The following PTPN2 variants were observed in gnomAD, a reference collection of about 807,000 sequenced individuals.
The protein encoded by PTPN2 is protein tyrosine phosphatase non-receptor type 2, also known as tyrosine-protein phosphatase non-receptor type 2.
Under a neutral mutation model 57.3 loss-of-function variants are expected in PTPN2, and 19 were observed. That is an observed-to-expected ratio of 0.33 (90% CI 0.23 to 0.49). The LOEUF (loss-of-function observed/expected upper bound fraction) is 0.49, where lower values mean the gene tolerates loss of function less well. Among genes scored for constraint, PTPN2 ranks in the 20% least tolerant of loss-of-function variants. The probability of loss-of-function intolerance (pLI) is 0.99; values close to 1 mark genes in which losing one functional copy is unlikely to be tolerated. For synonymous variants in PTPN2, 153 were observed against 164.9 expected, an observed-to-expected ratio of 0.93 and a Z score of 0.55; for missense variants, 358 against 501.1, an observed-to-expected ratio of 0.71 and a Z score of 2.73.
chr18:12,879,633 C>T (rs565874477), intron 1 of PTPN2, among the ~76,000 whole-genome samples: 36 of 152,126 alleles, frequency 2.4e-4, no homozygotes, highest in Non-Finnish European at 4.0e-4. Context: ...TTCTAAGAAA[C>T]CTCCTATTAT....
chr18:12,883,215 A>G (rs138210016), intron 1 of PTPN2, among the ~76,000 whole-genome samples: 1 of 152,360 alleles, frequency 6.6e-6, no homozygotes, highest in African/African-American at 2.4e-5. Flanking sequence ...CCCGTCTGGG[A>G]GCACACATGA....
In PTPN2 at chr18:12,858,914, C is replaced by T. The variant is rs530652051; in HGVS notation, c.160+250G>A. ...TTATTTTAAAGAAAGGAAAACTGTG[C>T]ATAAGAAAAACAGGTTGTGGGAAAT... On this transcript the variant is annotated intron_variant, in intron 2 of 8. Transcript: ENST00000309660. Among the ~76,000 whole-genome samples the T allele has an allele frequency of 1.4e-4, 21 of 152,218 alleles. No homozygotes were observed. In the South Asian group the frequency reaches 4.3e-3, roughly 32 times the overall value.
intron 5 of PTPN2, chr18:12,818,911 T>C (rs1197701593): frequency 8.0e-5 from 13 of 161,728 alleles, no homozygotes; most frequent in African/African-American, 3.1e-4. Context: ...CTGACCAACA[T>C]AGAGAAACCC....
intron 2 of PTPN2, among the ~76,000 whole-genome samples, chr18:12,852,820 A>G (rs1361991672): frequency 6.6e-6 from 1 of 152,260 alleles, no homozygotes; most frequent in Non-Finnish European, 1.5e-5. Context: ...TTTAAAAATA[A>G]ACATTTCCAG....
chr18:12,800,669 T>C (rs1229369172), intron 8 of PTPN2, among the ~76,000 whole-genome samples: 1 of 152,206 alleles, frequency 6.6e-6, no homozygotes, highest in African/African-American at 2.4e-5. Context: ...AGTAAAGCTA[T>C]AATGTATGGC....
intron 2 of PTPN2, among the ~76,000 whole-genome samples, chr18:12,843,241 G>C (rs2043105095): frequency 6.6e-6 from 1 of 151,964 alleles, no homozygotes; most frequent in Non-Finnish European, 1.5e-5. Context: ...GGGCACTCAG[G>C]GGTCTGTTTT....
At chr18:12,834,774 G>T (rs1255431505) in intron 3 of PTPN2, among the ~76,000 whole-genome samples, 1 of 151,978 alleles carries the variant, frequency 6.6e-6, no homozygotes, top group Non-Finnish European at 1.5e-5. Flanking sequence ...TAAGAACTAA[G>T]AAGAGAACAA....
intron 2 of PTPN2, among the ~76,000 whole-genome samples, chr18:12,847,047 C>T (rs2043234599): frequency 4.8e-5 from 1 of 20,858 alleles, no homozygotes; most frequent in African/African-American, 8.4e-5. Flanking sequence ...TTTTGTCAGT[C>T]CAAAAAAAAA....
intron 1 of PTPN2, among the ~76,000 whole-genome samples, chr18:12,864,562 ATTT>A (rs1317623806): frequency 6.6e-6 from 1 of 150,598 alleles, no homozygotes. Flanking sequence ...CGCCCGGCTA[ATTT>A]TTTTTTGTAT....
intron 1 of PTPN2, among the ~76,000 whole-genome samples, chr18:12,880,978 C>A (rs1311981920): frequency 6.6e-6 from 1 of 152,212 alleles, no homozygotes; most frequent in Non-Finnish European, 1.5e-5. Flanking sequence ...TACCCCTTTA[C>A]CATTTCATTT....
At chr18:12,787,801 A>G (rs2040878910), downstream of PTPN2, 1 of 152,492 alleles carries the variant, frequency 6.6e-6, no homozygotes, top group South Asian at 2.1e-4. Context: ...AACGGGTTCA[A>G]ATAAGTCAAA....
intron 1 of PTPN2, among the ~76,000 whole-genome samples, chr18:12,870,630 T>A (rs1268364338): frequency 6.9e-6 from 1 of 144,662 alleles, no homozygotes; most frequent in African/African-American, 2.6e-5. Context: ...TGCCTCAGCC[T>A]CCCGAGCAGC....
chr18:12,800,225 T>C (rs533155064), intron 8 of PTPN2, among the ~76,000 whole-genome samples: 3 of 152,106 alleles, frequency 2.0e-5, no homozygotes, highest in Non-Finnish European at 4.4e-5. Flanking sequence ...CTTGTATGAG[T>C]GATTTAACTC....
chr18:12,836,715 C>T (rs1598819815), intron 3 of PTPN2, 76 bp downstream of exon 3: 1 of 923,126 alleles, frequency 1.1e-6, no homozygotes, highest in Admixed American at 2.3e-5. Context: ...TCAAGATATA[C>T]TTTTACCTAT....
intron 7 of PTPN2, among the ~76,000 whole-genome samples, chr18:12,811,475 C>A (rs936888380): frequency 4.6e-5 from 7 of 151,904 alleles, no homozygotes; most frequent in African/African-American, 1.7e-4. Flanking sequence ...GGAAAGCACT[C>A]GGCAGAGAGA....
chr18:12,869,466 G>A (rs1457360574), intron 1 of PTPN2, among the ~76,000 whole-genome samples: 6 of 152,176 alleles, frequency 3.9e-5, no homozygotes, highest in Admixed American at 3.9e-4. Context: ...TGGTTTTGAA[G>A]TTTTTATTTT....
intron 1 of PTPN2, among the ~76,000 whole-genome samples, chr18:12,876,414 T>C (rs1410357112): frequency 6.7e-6 from 1 of 150,264 alleles, no homozygotes; most frequent in Non-Finnish European, 1.5e-5. Context: ...TGCAGTGACC[T>C]ACGATCGTGC....
chr18:12,870,278 TATATAC>T (rs1224613493), intron 1 of PTPN2, among the ~76,000 whole-genome samples: 1 of 78,410 alleles, frequency 1.3e-5, no homozygotes, highest in African/African-American at 7.0e-5. Context: ...TATATGTATA[TATATAC>T]ATATACATAT....
intron 1 of PTPN2, among the ~76,000 whole-genome samples, chr18:12,872,518 A>C (rs2044303040): frequency 6.6e-6 from 1 of 151,976 alleles, no homozygotes; most frequent in African/African-American, 2.4e-5. Flanking sequence ...AAAGTATCCA[A>C]CCTTGAGCCA....
Sources: gnomAD v4.1 joint callset for allele counts (sites outside exome capture counted in the v4.1 genomes callset) on GRCh38, gnomAD v4.1.1 for gene constraint, MANE v1.5 for transcripts, NCBI Gene and HGNC (gene_info 2026-07-23, HGNC 2026-07-21) for gene names.